Variants in MYO7A observed in about 807,000 individuals in gnomAD.
The protein encoded by MYO7A is unconventional myosin-VIIa.
MYO7A carries 210 observed loss-of-function variants against 263.8 expected under a neutral mutation model. The observed-to-expected ratio is 0.80, with a 90% CI of 0.71 to 0.89. The LOEUF (loss-of-function observed/expected upper bound fraction) is 0.89, where lower values mean the gene tolerates loss of function less well. Among genes scored for constraint, MYO7A ranks in the 40% least tolerant of loss-of-function variants. The pLI is 0.00. For missense variants in MYO7A, 2,820 were observed against 2,968.3 expected, an observed-to-expected ratio of 0.95 and a Z score of 1.16; for synonymous variants, 1,239 against 1,197.3, an observed-to-expected ratio of 1.03 and a Z score of -0.72.
intron 36 of MYO7A, 80 bp from the exon 37 acceptor site, chr11:77,202,220 A>G: frequency 6.8e-7 from 1 of 1,465,928 alleles, no homozygotes; most frequent in Non-Finnish European, 9.1e-7. Flanking sequence ...CAGAGTCCAG[A>G]AGGCTTCAGG....
Position 77,181,937 on chromosome 11 carries a change from CTT to C in MYO7A, c.2905-13_2905-12del. ...GTAGCTGGGACTCCAGGGCATACCT[CTT>C]GTCTCCTTCAGGACCTGGAGCGAGG... On this transcript the variant is annotated splice_polypyrimidine_tract_variant and intron_variant, in intron 23 of 48. Coordinates refer to ENST00000409709, the MANE Select transcript of MYO7A (RefSeq NM_000260.4). The C allele has an allele frequency of 6.2e-7, 1 of 1,612,530 alleles. No homozygotes were observed. The highest frequency in any genetic ancestry group is 8.5e-7 in the Non-Finnish European group (1 of 1,179,490).
At chr11:77,196,382 G>GAAA (rs1956666490) in intron 32 of MYO7A, among the ~76,000 whole-genome samples, 2 of 150,206 alleles carry the variant, frequency 1.3e-5, no homozygotes, top group African/African-American at 5.0e-5. Flanking sequence ...AAAAAAAAAG[G>GAAA]AGCTTATCTC....
intron 4 of MYO7A, among the ~76,000 whole-genome samples, chr11:77,151,889 G>GT (rs1274468240): frequency 6.6e-6 from 1 of 152,220 alleles, no homozygotes; most frequent in Non-Finnish European, 1.5e-5. Flanking sequence ...GTTTGGGGAA[G>GT]CCCAGGTGGA....
chr11:77,213,577 T>C (rs1957999286), intron 47 of MYO7A, among the ~76,000 whole-genome samples: 1 of 152,056 alleles, frequency 6.6e-6, no homozygotes, highest in Non-Finnish European at 1.5e-5. Flanking sequence ...CCTCAAACTC[T>C]CCCTGGACCA....
At chr11:77,213,794 C>T (rs1958007518) in intron 47 of MYO7A, 66 bp from the exon 48 acceptor site, 1 of 1,609,968 alleles carries the variant, frequency 6.2e-7, no homozygotes, top group African/African-American at 1.3e-5. Flanking sequence ...TCTGTGAGGG[C>T]ATGTGTGGGC....
rs781790237 is a variant in MYO7A, at chr11:77,184,724, CGGG to C, written c.3503+10_3503+12del. On this transcript the variant is annotated intron_variant, in intron 27 of 48. Coordinates refer to ENST00000409709, the MANE Select transcript of MYO7A (RefSeq NM_000260.4). ...CTGCGGCCAGCACTCCGGTCAGTGC[CGGG>C]AGGCGGGGACACCAGGGCCTGAAAG... 9 of 1,553,960 alleles carry C rather than the reference CGGG, an allele frequency of 5.8e-6. No individual in the cohort carries two copies. In the South Asian group the frequency reaches 6.8e-5, roughly 12 times the overall value.
intron 17 of MYO7A, 40 bp from the exon 18 acceptor site, chr11:77,175,332 G>A (rs782307481): frequency 1.9e-6 from 3 of 1,589,934 alleles, no homozygotes; most frequent in Admixed American, 1.7e-5. Context: ...TCCCACTGGA[G>A]AGGCTGTCCA....
Position 77,206,157 on chromosome 11 carries a change from C to G in MYO7A, c.5697C>G (p.Thr1899=), listed in dbSNP as rs1178147992. The G allele has an allele frequency of 1.2e-6, 2 of 1,613,588 alleles. No homozygotes were observed. Among genetic ancestry groups the G allele is most frequent in the Admixed American group, 1.7e-5 (1 of 59,980 alleles). ...AGGTGGAGGCCATCCAGCACAAGAC[C>G]ACCCAGATTTTCCACAAAGTCTACT... ...LVEVEAIQHK[T]TQIFHKVYFP... is the part of the protein sequence containing the mutation. Residue 1899 remains threonine, a synonymous_variant, in exon 41 of 49, where the codon ACC becomes ACG. Transcript: ENST00000409709.
chr11:77,147,987 C>CT (rs1951700659), intron 4 of MYO7A, 37 bp downstream of exon 4: 1 of 1,492,460 alleles, frequency 6.7e-7, no homozygotes. Flanking sequence ...TCCAGGCCCC[C>CT]TCAGGCCCCG....
chr11:77,205,769 C>A (rs1002763669), intron 40 of MYO7A, among the ~76,000 whole-genome samples, 152 bp downstream of exon 40: 1 of 152,144 alleles, frequency 6.6e-6, no homozygotes. Flanking sequence ...GGTGCGGATC[C>A]TGCAGCTGCT....
Position 77,138,089 on chromosome 11 carries a change from G to A in MYO7A, c.19-4620G>A, listed in dbSNP as rs1263578070. Among the ~76,000 whole-genome samples, 3 of 152,132 alleles carry A rather than the reference G, an allele frequency of 2.0e-5. No homozygotes were observed. The highest frequency in any genetic ancestry group is 7.2e-5 in the African/African-American group (3 of 41,430). ...CGCCGCGGTGCCAGTGAAGCCGCCT[G>A]GGATTCCGGGCAAAGTGGGGCTGTG... On this transcript the variant is annotated intron_variant, in intron 2 of 48. Transcript: ENST00000409709. This position sits in a 1 kb window ranked among gnomAD's most constrained non-coding sequence, Gnocchi z 4.9.
intron 42 of MYO7A, 25 bp from the exon 43 acceptor site, chr11:77,208,405 T>G (rs568783847): frequency 2.6e-6 from 4 of 1,563,328 alleles, no homozygotes. Flanking sequence ...TTAAACTGAG[T>G]GTGCTTCGAT....
In MYO7A at chr11:77,214,065, A is replaced by C. The variant is rs1958021457; in HGVS notation, c.6558+86A>C. The C allele has an allele frequency of 1.8e-5, 28 of 1,573,978 alleles. No individual in the cohort carries two copies. In the East Asian group the frequency reaches 5.8e-4, roughly 33 times the overall value. On this transcript the variant is annotated intron_variant, in intron 48 of 48. Transcript: ENST00000409709. ...TCCCAGGGCCTGGAACAAACACAGT[A>C]GTGTGCGGCTGGGCCTGGGGTCGTG... is the stretch of plus-strand genomic sequence containing the variant.
At chr11:77,142,451 T>G (rs990991075) in intron 2 of MYO7A, 2 of 534,546 alleles carry the variant, frequency 3.7e-6, no homozygotes, top group Non-Finnish European at 7.2e-6. Context: ...AGGCCTTGGC[T>G]CTCTCTGAGC....
rs1165878942 is a variant in MYO7A at position 77,147,934 on chromosome 11, G to T, written c.269G>T (p.Arg90Leu). ...TTGCGCAACCTGCTTATCCGCTACCGGGACCACCTCATCTACGTGAGTGCC... is the reference window on the plus strand; with the variant it reads ...TTGCGCAACCTGCTTATCCGCTACCTGGACCACCTCATCTACGTGAGTGCC... The part of the protein sequence containing the change: ...GILRNLLIRY[R>L]DHLIYTYTGS... The change falls in exon 4 of 49, where the codon CGG becomes CTG. Residue 90 changes from arginine to leucine, a missense_variant. Coordinates refer to ENST00000409709, the MANE Select transcript of MYO7A (RefSeq NM_000260.4). 1 of 1,555,482 alleles carries T rather than the reference G, an allele frequency of 6.4e-7. No individual in the cohort carries two copies. The highest frequency in any genetic ancestry group is 2.4e-5 in the East Asian group (1 of 41,204).
At chr11:77,165,593 C>T (rs1170658337) in intron 14 of MYO7A, among the ~76,000 whole-genome samples, 5 of 152,232 alleles carry the variant, frequency 3.3e-5, no homozygotes, top group African/African-American at 1.2e-4. Flanking sequence ...ACCTGTCCCA[C>T]ATAGAAGGAG....
In MYO7A at chr11:77,203,233, G is replaced by A; in HGVS notation, c.5326+16G>A. 1 of 1,549,490 alleles carries A rather than the reference G, an allele frequency of 6.5e-7. No individual in the cohort carries two copies. The highest frequency in any genetic ancestry group is 8.7e-7 in the Non-Finnish European group (1 of 1,146,742). On this transcript the variant is annotated intron_variant, in intron 38 of 48. Coordinates refer to ENST00000409709, the MANE Select transcript of MYO7A (RefSeq NM_000260.4). ...GCCTTCATTGATATCCGTGCCACTG[G>A]GCTGTGCCCAGGGGAGCCAGGGACC...
At chr11:77,174,042 C>T (rs1555078362) in intron 16 of MYO7A, among the ~76,000 whole-genome samples, 1 of 151,998 alleles carries the variant, frequency 6.6e-6, no homozygotes, top group African/African-American at 2.4e-5. Context: ...TCCCCTGGCC[C>T]CCAGTGACAT....
At position 77,158,411 on chromosome 11, in the gene MYO7A, G is replaced by A. The variant is rs372046417; in HGVS notation, c.984G>A (p.Leu328=). ...ISKLLAAILH[L]GNLQYEARTF... Reference sequence around the variant, plus strand: ...AGCTCCTGGCTGCCATCCTGCACCTGGGCAACCTGCAGTATGAGGGTGAGG... The same window carrying A: ...AGCTCCTGGCTGCCATCCTGCACCTAGGCAACCTGCAGTATGAGGGTGAGG... Residue 328 remains leucine, a synonymous_variant, in exon 9 of 49, where the codon CTG becomes CTA. Transcript: ENST00000409709. The A allele has an allele frequency of 9.4e-5, 151 of 1,612,148 alleles. No individual in the cohort carries two copies. The highest frequency in any genetic ancestry group is 1.2e-4 in the Non-Finnish European group (147 of 1,179,714).
Sources: allele counts gnomAD v4.1 joint callset (sites outside exome capture counted in the v4.1 genomes callset), GRCh38; gene constraint gnomAD v4.1.1; non-coding constraint Gnocchi (gnomAD v3.1); transcripts MANE v1.5; gene names NCBI Gene and HGNC (gene_info 2026-07-23, HGNC 2026-07-21).